Variants in COMMD1 observed in about 807,000 individuals in gnomAD.
COMMD1 encodes COMM domain-containing protein 1.
In COMMD1, 10 loss-of-function variants were observed where a neutral mutation model predicts 17.2. The observed-to-expected ratio is 0.58, with a 90% CI of 0.36 to 0.99. COMMD1 has a LOEUF of 0.99. COMMD1 is among the 50% of genes least tolerant of loss of function. The pLI is 0.01. For missense variants in COMMD1, 270 were observed against 231.8 expected (o/e 1.17, Z -1.07); for synonymous variants, 97 against 91.6 (o/e 1.06, Z -0.34).
At chr2:61,997,992 C>T (rs1004309719) in intron 1 of COMMD1, among the ~76,000 whole-genome samples, 5 of 152,222 alleles carry the variant, frequency 3.3e-5, no homozygotes, top group Non-Finnish European at 7.3e-5. Context: ...GCAGCTCATA[C>T]GTCAGCACTT....
rs1295235393 is a variant in COMMD1 at position 62,012,427 on chromosome 2, C to G, written c.462+11445C>G. Among the ~76,000 whole-genome samples the G allele has an allele frequency of 3.3e-5, 5 of 151,694 alleles. No individual in the cohort carries two copies. The Middle Eastern group carries it at 0.01, about 310-fold the overall frequency. On this transcript the variant is annotated intron_variant, in intron 2 of 2. Coordinates refer to ENST00000311832, the MANE Select transcript of COMMD1 (RefSeq NM_152516.4). ...TCTGCCTCCCAGGTTCAAGCAATTC[C>G]CCTGCCTCAGCCTCCTGAGTAGCTG...
At chr2:62,117,011 A>G (rs1012805064) in intron 2 of COMMD1, among the ~76,000 whole-genome samples, 4 of 152,046 alleles carry the variant, frequency 2.6e-5, no homozygotes, top group Non-Finnish European at 4.4e-5. Flanking sequence ...AAAAAAAAAA[A>G]AAAATGACAA....
chr2:62,032,517 C>G (rs566436512), intron 2 of COMMD1, among the ~76,000 whole-genome samples: 3 of 152,278 alleles, frequency 2.0e-5, no homozygotes, highest in South Asian at 4.1e-4. Flanking sequence ...GCATGGATGA[C>G]AGAGCGAGAC....
intron 1 of COMMD1, among the ~76,000 whole-genome samples, chr2:61,972,271 T>C (rs949309210): frequency 6.6e-6 from 1 of 152,214 alleles, no homozygotes; most frequent in African/African-American, 2.4e-5. Flanking sequence ...AAATGATCTC[T>C]AATTATACTG....
At chr2:61,982,192 A>G (rs1359767967) in intron 1 of COMMD1, among the ~76,000 whole-genome samples, 2 of 152,146 alleles carry the variant, frequency 1.3e-5, no homozygotes, top group African/African-American at 4.8e-5. Flanking sequence ...AGTTTTCATT[A>G]TAGAGCGCTT....
At chr2:62,032,866 G>A (rs542751975) in intron 2 of COMMD1, among the ~76,000 whole-genome samples, 1 of 152,222 alleles carries the variant, frequency 6.6e-6, no homozygotes, top group South Asian at 2.1e-4. Flanking sequence ...CACCCTCCAG[G>A]TTCAAGCGAT....
intron 1 of COMMD1, among the ~76,000 whole-genome samples, chr2:61,892,342 A>C (rs1669452417): frequency 6.6e-6 from 1 of 152,108 alleles, no homozygotes; most frequent in Admixed American, 6.6e-5. Context: ...TGAATAGCCC[A>C]CGATGTCCTA....
At chr2:61,921,935 T>A (rs539538604) in intron 1 of COMMD1, among the ~76,000 whole-genome samples, 30 of 148,720 alleles carry the variant, frequency 2.0e-4, no homozygotes, top group Non-Finnish European at 4.1e-4. Context: ...GTTCTTTATT[T>A]AAATTTTTTT....
At chr2:61,997,698 T>A (rs760819215) in intron 1 of COMMD1, among the ~76,000 whole-genome samples, 1 of 152,172 alleles carries the variant, frequency 6.6e-6, no homozygotes, top group Non-Finnish European at 1.5e-5. Context: ...AGATTTAACA[T>A]CATTCTTAAG....
chr2:62,111,099 T>C (rs1672443190), intron 2 of COMMD1, among the ~76,000 whole-genome samples: 2 of 152,204 alleles, frequency 1.3e-5, no homozygotes, highest in Admixed American at 6.5e-5. Flanking sequence ...GAGAGGGAGA[T>C]ATCTTTACGA....
chr2:61,955,151 G>A (rs555822299), intron 1 of COMMD1, among the ~76,000 whole-genome samples: 6 of 152,150 alleles, frequency 3.9e-5, no homozygotes, highest in Non-Finnish European at 7.4e-5. Context: ...TTCTGTTTAT[G>A]TGCTTATTAA....
chr2:62,059,394 G>A (rs1034929232), intron 2 of COMMD1, among the ~76,000 whole-genome samples: 3 of 152,000 alleles, frequency 2.0e-5, no homozygotes, highest in African/African-American at 4.8e-5. Context: ...GGACTCAAGC[G>A]ATCCTCCCAC....
chr2:62,096,583 G>A (rs1238197429), intron 2 of COMMD1, among the ~76,000 whole-genome samples: 1 of 152,132 alleles, frequency 6.6e-6, no homozygotes, highest in East Asian at 1.9e-4. Flanking sequence ...TTTTATATAG[G>A]GGTTGGGCAT....
At chr2:62,131,896 A>AT (rs1198359263) in intron 2 of COMMD1, among the ~76,000 whole-genome samples, 87 of 124,658 alleles carry the variant, frequency 7.0e-4, no homozygotes, top group Non-Finnish European at 7.5e-4. Flanking sequence ...ACACACACAC[A>AT]TTTTTTTTTT....
At chr2:62,130,629 A>G (rs767844814) in intron 2 of COMMD1, among the ~76,000 whole-genome samples, 6 of 152,232 alleles carry the variant, frequency 3.9e-5, no homozygotes, top group Non-Finnish European at 7.3e-5. Context: ...GGGAAGTAGT[A>G]TTACTGTAGA....
At chr2:62,050,000 C>G (rs760924972) in intron 2 of COMMD1, among the ~76,000 whole-genome samples, 7 of 152,174 alleles carry the variant, frequency 4.6e-5, no homozygotes, top group South Asian at 2.1e-4. Context: ...GACTGACATA[C>G]AGGAAGGACT....
intron 1 of COMMD1, among the ~76,000 whole-genome samples, chr2:61,893,285 AC>A (rs1669478250): frequency 6.6e-6 from 1 of 152,002 alleles, no homozygotes; most frequent in Non-Finnish European, 1.5e-5. Context: ...CATTTTTGTT[AC>A]TTTCTAACCT....
Position 62,036,049 on chromosome 2 carries a change from GTC to G in COMMD1, c.462+35072_462+35073del, listed in dbSNP as rs983106856. On this transcript the variant is annotated intron_variant, in intron 2 of 2. Transcript: ENST00000311832. ...AGCCTGGGTGATAGAGTGAGACCCT[GTC>G]TCTCACACACACACACACACACACA... Among the ~76,000 whole-genome samples the G allele has an allele frequency of 1.8e-3, 252 of 141,836 alleles. 1 individual carries two copies. The highest frequency in any genetic ancestry group is 4.3e-3 in the East Asian group (21 of 4,898). 93.0% of individuals were successfully genotyped at this position (141,836 alleles called of 152,430 possible). A position where few individuals can be genotyped will look rare whatever the true frequency, so the allele number is the denominator to read the frequency against.
chr2:61,992,191 G>A (rs1472319644), intron 1 of COMMD1, among the ~76,000 whole-genome samples: 1 of 152,100 alleles, frequency 6.6e-6, no homozygotes, highest in Non-Finnish European at 1.5e-5. Flanking sequence ...TGGTAGGTAA[G>A]ATATTTTAAA....
Sources: gnomAD v4.1 joint callset for allele counts (sites outside exome capture counted in the v4.1 genomes callset) on GRCh38, gnomAD v4.1.1 for gene constraint, MANE v1.5 for transcripts, NCBI Gene and HGNC (gene_info 2026-07-23, HGNC 2026-07-21) for gene names.